GOLGA7B: variants seen among roughly 807,000 people sequenced by gnomAD.
GOLGA7B encodes the protein golgin A7 family member B.
GOLGA7B carries 17 observed loss-of-function variants against 21.5 expected under a neutral mutation model. The observed-to-expected ratio is 0.79, with a 90% CI of 0.54 to 1.19. The LOEUF is 1.19. Ranked by LOEUF, GOLGA7B falls within the 50% of genes most tolerant of loss-of-function variation. GOLGA7B has a pLI of 0.00. For missense variants in GOLGA7B, 169 were observed against 224.4 expected (o/e 0.75, Z 1.58); for synonymous variants, 87 against 84.0 (o/e 1.04, Z -0.19).
chr10:97,857,913 T>A (rs770737883), intron 1 of GOLGA7B, among the ~76,000 whole-genome samples: 1 of 152,186 alleles, frequency 6.6e-6, no homozygotes, highest in Non-Finnish European at 1.5e-5. Context: ...AGTTTAAGTA[T>A]CTGTCATCCT....
chr10:97,866,609 C>G lies in GOLGA7B; in HGVS notation c.*909C>G, dbSNP rs538061621. The G allele has an allele frequency of 1.3e-5, 2 of 152,202 alleles. No homozygotes were observed. Among genetic ancestry groups the G allele is most frequent in the Non-Finnish European group, 2.9e-5 (2 of 68,052 alleles). The allele number at this position is 152,202 out of a possible 1,614,324, so 9.4% of individuals were successfully genotyped here. ...GTGTTAGCATGCCTGTATGTGAGCG[C>G]GTGTGTGAGCGCATGTGTGTGCACC... On this transcript the variant is annotated 3_prime_UTR_variant, in exon 5 of 5. Transcript: ENST00000370602.
At chr10:97,860,855 G>T (rs2049967037) in intron 2 of GOLGA7B, among the ~76,000 whole-genome samples, 1 of 152,186 alleles carries the variant, frequency 6.6e-6, no homozygotes, top group South Asian at 2.1e-4. Context: ...AGCTTGGGTA[G>T]GGCAGGGCAG....
Position 97,859,956 on chromosome 10 carries a change from T to C in GOLGA7B, c.138+373T>C, listed in dbSNP as rs184947499. ...TGGACTGTGGCTCAGGAGTCTCCAT[T>C]TATTAGCAGCTGTTCTCAACCTTGG... On this transcript the variant is annotated intron_variant, in intron 2 of 4. Transcript: ENST00000370602. Among the ~76,000 whole-genome samples the C allele has an allele frequency of 3.0e-3, 454 of 152,340 alleles. 4 individuals carry two copies. Among genetic ancestry groups the C allele is most frequent in the African/African-American group, 0.01 (431 of 41,582 alleles).
intron 1 of GOLGA7B, 122 bp downstream of exon 1, chr10:97,850,437 C>G: frequency 2.4e-6 from 2 of 832,100 alleles, no homozygotes; most frequent in Non-Finnish European, 3.6e-6. Flanking sequence ...TTCCCCAGGT[C>G]AGGTCTGGAG....
Position 97,857,362 on chromosome 10 carries a change from GACACAC to G in GOLGA7B, c.13-2058_13-2053del, listed in dbSNP as rs60908270. On this transcript the variant is annotated intron_variant, in intron 1 of 4. Transcript: ENST00000370602. ...TTCCCCATCCCATTTACAATAGCCA[GACACAC>G]ACACACACACACACACACACACACA... Among the ~76,000 whole-genome samples the G allele has an allele frequency of 4.0e-3, 543 of 135,512 alleles. 6 individuals carry two copies. The highest frequency in any genetic ancestry group is 9.6e-3 in the Admixed American group (130 of 13,580). The allele number at this position is 135,512 out of a possible 152,430, so 88.9% of individuals were successfully genotyped here.
intron 4 of GOLGA7B, chr10:97,865,296 A>C (rs755452510): frequency 1.1e-4 from 43 of 406,626 alleles, no homozygotes; most frequent in Non-Finnish European, 1.7e-4. Context: ...GTCCTAAGAT[A>C]TGGTCATTAG....
chr10:97,863,204 T>C (rs2049982039), intron 2 of GOLGA7B, among the ~76,000 whole-genome samples: 1 of 152,148 alleles, frequency 6.6e-6, no homozygotes, highest in South Asian at 2.1e-4. Flanking sequence ...GTCCGCGTGG[T>C]CTTAGGACCA....
At chr10:97,855,549 C>T (rs2049930086) in intron 1 of GOLGA7B, among the ~76,000 whole-genome samples, 1 of 152,186 alleles carries the variant, frequency 6.6e-6, no homozygotes, top group Admixed American at 6.5e-5. Context: ...ATCCCTCCAA[C>T]TGGCCCCTCA....
Position 97,867,666 on chromosome 10 carries a change from C to G in GOLGA7B, c.*1966C>G, listed in dbSNP as rs1338186080. ...GGCATTGTGTCTGACCTGTGCATCTCCCATGGGAGGGCTGGGCACAGGCAG... is the reference window on the plus strand; with the variant it reads ...GGCATTGTGTCTGACCTGTGCATCTGCCATGGGAGGGCTGGGCACAGGCAG... On this transcript the variant is annotated 3_prime_UTR_variant, in exon 5 of 5. Coordinates refer to ENST00000370602, the MANE Select transcript of GOLGA7B (RefSeq NM_001010917.3). The G allele has an allele frequency of 4.6e-5, 7 of 152,298 alleles. No homozygotes were observed. Among genetic ancestry groups the G allele is most frequent in the Admixed American group, 2.6e-4 (4 of 15,302 alleles). 9.4% of individuals were successfully genotyped at this position (152,298 alleles called of 1,614,324 possible).
Position 97,866,038 on chromosome 10 carries a change from C to T in GOLGA7B, c.*338C>T. The T allele has an allele frequency of 3.1e-6, 1 of 325,000 alleles. No individual in the cohort carries two copies. The allele number at this position is 325,000 out of a possible 1,614,324, so 20.1% of individuals were successfully genotyped here. ...CTCTCTTCCACAGCCCCTCTCCCAACCCTGCGAGGGGGGCCGAGGCCTGCC... is the reference window on the plus strand; with the variant it reads ...CTCTCTTCCACAGCCCCTCTCCCAATCCTGCGAGGGGGGCCGAGGCCTGCC... On this transcript the variant is annotated 3_prime_UTR_variant, in exon 5 of 5. Coordinates refer to ENST00000370602, the MANE Select transcript of GOLGA7B (RefSeq NM_001010917.3).
chr10:97,858,572 C>T (rs2049950701), intron 1 of GOLGA7B, among the ~76,000 whole-genome samples: 1 of 152,232 alleles, frequency 6.6e-6, no homozygotes, highest in South Asian at 2.1e-4. Context: ...ACACTAGAGT[C>T]TGTGTCAATG....
At chr10:97,858,809 T>C (rs1175486003) in intron 1 of GOLGA7B, among the ~76,000 whole-genome samples, 2 of 152,358 alleles carry the variant, frequency 1.3e-5, no homozygotes, top group East Asian at 3.9e-4. Flanking sequence ...CCCCAGTCTC[T>C]GAGTTCAGGG....
rs950033052 is a variant in GOLGA7B, at chr10:97,870,783, GT to G, written c.*5084del. ...AAATGTAATGTCTGCTCTGCTGTGG[GT>G]GGGCCCTCTAAAAGGGAAGGTCCCT... is the stretch of plus-strand genomic sequence containing the variant. On this transcript the variant is annotated 3_prime_UTR_variant, in exon 5 of 5. Transcript: ENST00000370602. 5.9e-5 allele frequency: 9 copies of G among 152,120 alleles called. No individual in the cohort carries two copies. Among genetic ancestry groups the G allele is most frequent in the African/African-American group, 2.2e-4 (9 of 41,412 alleles). The allele number at this position is 152,120 out of a possible 1,614,324, so 9.4% of individuals were successfully genotyped here.
intron 1 of GOLGA7B, among the ~76,000 whole-genome samples, chr10:97,855,585 A>C (rs2049930299): frequency 1.3e-5 from 2 of 152,142 alleles, no homozygotes; most frequent in Non-Finnish European, 2.9e-5. Flanking sequence ...CTTCCCACAA[A>C]ACTGCTAGAA....
chr10:97,871,077 C>T lies in GOLGA7B; in HGVS notation c.*5377C>T, dbSNP rs754416912. ...TTCCTTCCTTTCAGAGCCCAGCCTT[C>T]GGAGGTTTCCGCATGAGCCTTCTCG... is the stretch of plus-strand genomic sequence containing the variant. On this transcript the variant is annotated 3_prime_UTR_variant, in exon 5 of 5. Transcript: ENST00000370602. 2.0e-5 allele frequency: 3 copies of T among 152,152 alleles called. No individual in the cohort carries two copies. The highest frequency in any genetic ancestry group is 6.5e-5 in the Admixed American group (1 of 15,282). The allele number at this position is 152,152 out of a possible 1,614,324, so 9.4% of individuals were successfully genotyped here.
In GOLGA7B at chr10:97,868,076, C is replaced by T. The variant is rs751941278; in HGVS notation, c.*2376C>T. The stretch of plus-strand genomic sequence containing the variant: ...TGGGAGCTGGATCACACAGGTCACT[C>T]AGTACTGAAGATGAGAAAGTAGCTG... On this transcript the variant is annotated 3_prime_UTR_variant, in exon 5 of 5. Coordinates refer to ENST00000370602, the MANE Select transcript of GOLGA7B (RefSeq NM_001010917.3). 1 of 152,260 alleles carries T rather than the reference C, an allele frequency of 6.6e-6. No homozygotes were observed. The allele number at this position is 152,260 out of a possible 1,614,324, so 9.4% of individuals were successfully genotyped here.
intron 1 of GOLGA7B, among the ~76,000 whole-genome samples, chr10:97,854,762 C>A (rs1283530869): frequency 6.6e-6 from 1 of 152,188 alleles, no homozygotes; most frequent in Non-Finnish European, 1.5e-5. Context: ...ACCCCCAAAT[C>A]TTAATGTATT....
chr10:97,857,842 A>T (rs2049946065), intron 1 of GOLGA7B, among the ~76,000 whole-genome samples: 1 of 152,240 alleles, frequency 6.6e-6, no homozygotes, highest in Admixed American at 6.5e-5. Flanking sequence ...GAACCCAGAA[A>T]TAAAGCAACA....
intron 2 of GOLGA7B, among the ~76,000 whole-genome samples, 180 bp downstream of exon 2, chr10:97,859,763 T>C (rs2049959330): frequency 6.6e-6 from 1 of 152,368 alleles, no homozygotes; most frequent in South Asian, 2.1e-4. Flanking sequence ...ATTGTCTTAC[T>C]GTCTCCTCAT....
Sources: gnomAD v4.1 joint callset for allele counts (sites outside exome capture counted in the v4.1 genomes callset) on GRCh38, gnomAD v4.1.1 for gene constraint, MANE v1.5 for transcripts, NCBI Gene and HGNC (gene_info 2026-07-23, HGNC 2026-07-21) for gene names.